Variants in ZC3H12B observed in about 807,000 individuals in gnomAD.
The protein encoded by ZC3H12B is probable ribonuclease ZC3H12B.
ZC3H12B carries 7 observed loss-of-function variants against 43.9 expected under a neutral mutation model. The observed-to-expected ratio is 0.16, with a 90% CI of 0.09 to 0.30. The LOEUF (loss-of-function observed/expected upper bound fraction) is 0.30. ZC3H12B is among the 10% of genes least tolerant of loss of function. The pLI, the probability that ZC3H12B is intolerant of heterozygous loss-of-function variation, is 1.00. For missense variants in ZC3H12B, 475 were observed against 670.2 expected (o/e 0.71, Z 3.22); for synonymous variants, 222 against 241.7 (o/e 0.92, Z 0.76).
At chrX:65,123,620 G>T in the ZC3H12B span, among the ~76,000 whole-genome samples, 2 of 105,216 alleles carry the variant, frequency 1.9e-5, no homozygotes, top group South Asian at 3.8e-4. Flanking sequence ...AGCATAGGAT[G>T]TGTTTCTATT....
the ZC3H12B span, among the ~76,000 whole-genome samples, chrX:65,113,701 G>A: frequency 3.2e-4 from 35 of 109,784 alleles, no homozygotes; most frequent in Non-Finnish European, 5.7e-4. Context: ...GAACCACCAC[G>A]CTGATCAGTC....
the ZC3H12B span, among the ~76,000 whole-genome samples, chrX:65,159,356 G>T: frequency 2.7e-5 from 3 of 111,546 alleles, no homozygotes; most frequent in African/African-American, 6.5e-5. Context: ...AATTACCTTG[G>T]GCAGTATGGC....
Position 65,456,141 on chromosome X carries a change from T to C in ZC3H12B, n.408-32505T>C, listed in dbSNP as rs750386479. Among the ~76,000 whole-genome samples the C allele has an allele frequency of 5.4e-3, 601 of 111,268 alleles. 19 individuals are homozygous for C. The highest frequency in any genetic ancestry group is 9.2e-3 in the Middle Eastern group (2 of 217). On this transcript the variant is annotated intron_variant and non_coding_transcript_variant, in intron 3 of 5. Coordinates refer to the ZC3H12B transcript ENST00000617377. ...CACACATAACAATATTAACCTTAAA[T>C]GTAAATGGGCTAAATGCTCCAATTA... is the stretch of plus-strand genomic sequence containing the variant.
At chrX:65,379,052 G>A (rs2066394338) in intron 2 of ZC3H12B, among the ~76,000 whole-genome samples, 1 of 112,170 alleles carries the variant, frequency 8.9e-6, no homozygotes, top group Non-Finnish European at 1.9e-5. Context: ...CAATTGCCCA[G>A]GCTTGCTTAG....
the ZC3H12B span, among the ~76,000 whole-genome samples, chrX:65,217,161 G>T: frequency 8.9e-6 from 1 of 112,108 alleles, no homozygotes; most frequent in Non-Finnish European, 1.9e-5. Context: ...TGGGAACCCA[G>T]GGAATTCTTT....
At chrX:65,320,495 C>T in the ZC3H12B span, among the ~76,000 whole-genome samples, 10 of 111,698 alleles carry the variant, frequency 9.0e-5, no homozygotes, top group African/African-American at 2.3e-4. Flanking sequence ...GGTTTCAGTG[C>T]TATTCCAATT....
chrX:65,397,192 T>C (rs998269572), intron 2 of ZC3H12B, among the ~76,000 whole-genome samples: 1 of 112,082 alleles, frequency 8.9e-6, no homozygotes, highest in African/African-American at 3.2e-5. Flanking sequence ...ATTTAGCCCA[T>C]TTACATTTAA....
the ZC3H12B span, among the ~76,000 whole-genome samples, chrX:65,059,992 C>T: frequency 8.9e-6 from 1 of 112,220 alleles, no homozygotes. Context: ...AAATGGATTA[C>T]TTTTTCAATT....
the ZC3H12B span, among the ~76,000 whole-genome samples, chrX:65,118,984 C>A: frequency 3.6e-5 from 4 of 110,438 alleles, no homozygotes; most frequent in East Asian, 2.9e-4. Flanking sequence ...TGAACTCATC[C>A]TTTTTTAGGG....
At chrX:65,378,507 A>G (rs1389650338) in intron 2 of ZC3H12B, among the ~76,000 whole-genome samples, 2 of 112,222 alleles carry the variant, frequency 1.8e-5, no homozygotes, top group African/African-American at 3.2e-5. Context: ...ACCACCAGAC[A>G]AAATTACCTT....
chrX:65,436,501 C>T (rs892006647), intron 3 of ZC3H12B, among the ~76,000 whole-genome samples: 9 of 112,168 alleles, frequency 8.0e-5, no homozygotes, highest in African/African-American at 1.6e-4. Flanking sequence ...ATTTAAATGC[C>T]GACCTTTTTT....
the ZC3H12B span, among the ~76,000 whole-genome samples, chrX:65,339,944 C>T: frequency 1.8e-5 from 2 of 111,537 alleles, no homozygotes; most frequent in African/African-American, 6.5e-5. Flanking sequence ...TGCACACACA[C>T]CCTGACCTGT....
chrX:65,133,245 CCTCTA>C, the ZC3H12B span, among the ~76,000 whole-genome samples: 1 of 110,984 alleles, frequency 9.0e-6, no homozygotes, highest in Non-Finnish European at 1.9e-5. Context: ...TACTTGGCTG[CCTCTA>C]CTCTATTATT....
At chrX:65,228,680 C>A in the ZC3H12B span, among the ~76,000 whole-genome samples, 1 of 112,214 alleles carries the variant, frequency 8.9e-6, no homozygotes, top group Non-Finnish European at 1.9e-5. Context: ...ACAACTTCAG[C>A]AAAGTATCAG....
At chrX:65,159,793 C>T in the ZC3H12B span, among the ~76,000 whole-genome samples, 2 of 111,785 alleles carry the variant, frequency 1.8e-5, no homozygotes, top group Admixed American at 1.9e-4. Flanking sequence ...GAACTTCCAA[C>T]ACTATGTGGA....
the ZC3H12B span, among the ~76,000 whole-genome samples, chrX:65,111,922 G>A: frequency 1.8e-5 from 2 of 111,462 alleles, no homozygotes; most frequent in Non-Finnish European, 3.8e-5. Flanking sequence ...GTGAAAAGAA[G>A]AGTAGCATAT....
the ZC3H12B span, among the ~76,000 whole-genome samples, chrX:65,072,743 G>A: frequency 5.3e-5 from 6 of 112,190 alleles, no homozygotes; most frequent in South Asian, 3.7e-4. Flanking sequence ...AGCAGCAGTG[G>A]CAGCAGCAAC....
At chrX:65,408,300 T>A in intron 3 of ZC3H12B, 1 of 1,184,519 alleles carries the variant, frequency 8.4e-7, no homozygotes, top group Non-Finnish European at 1.1e-6. Flanking sequence ...GGATTAAACA[T>A]TGAAATGCAC....
the ZC3H12B span, among the ~76,000 whole-genome samples, chrX:65,230,348 C>G: frequency 2.8e-5 from 3 of 106,853 alleles, no homozygotes; most frequent in Admixed American, 1.0e-4. Context: ...CTCACATGGA[C>G]GCAGGAAGGG....
Sources: allele counts gnomAD v4.1 joint callset (sites outside exome capture counted in the v4.1 genomes callset), GRCh38; gene constraint gnomAD v4.1.1; transcripts MANE v1.5; gene names NCBI Gene and HGNC (gene_info 2026-07-23, HGNC 2026-07-21).